TSPAN31: variants seen among roughly 807,000 people sequenced by gnomAD.
TSPAN31 encodes the protein tetraspanin-31.
In TSPAN31, 16 loss-of-function variants were observed where a neutral mutation model predicts 24.8. The observed-to-expected ratio is 0.64, with a 90% CI of 0.44 to 0.98. The LOEUF is 0.98. Among genes scored for constraint, TSPAN31 ranks in the 50% least tolerant of loss-of-function variants. The probability of loss-of-function intolerance (pLI) is 0.00; values close to 1 mark genes in which losing one functional copy is unlikely to be tolerated. For missense variants in TSPAN31, 209 were observed against 251.6 expected, an observed-to-expected ratio of 0.83 and a Z score of 1.15; for synonymous variants, 87 against 91.4, an observed-to-expected ratio of 0.95 and a Z score of 0.27.
chr12:57,748,276 G>A lies in TSPAN31; in HGVS notation c.*986G>A. The A allele has an allele frequency of 2.3e-6, 1 of 428,772 alleles. No individual in the cohort carries two copies. Among genetic ancestry groups the A allele is most frequent in the Non-Finnish European group, 4.3e-6 (1 of 233,746 alleles). 26.6% of individuals were successfully genotyped at this position (428,772 alleles called of 1,614,324 possible). On this transcript the variant is annotated 3_prime_UTR_variant, in exon 6 of 6. Transcript: ENST00000257910. ...GTTTTGTTTTTCCTGTATAAAAAAGGACCCCAAATATAAAGGTAGGGAAAG... is the reference window on the plus strand; with the variant it reads ...GTTTTGTTTTTCCTGTATAAAAAAGAACCCCAAATATAAAGGTAGGGAAAG...
chr12:57,748,708 C>CT lies in TSPAN31; in HGVS notation c.*1433dup, dbSNP rs545773931. On this transcript the variant is annotated 3_prime_UTR_variant, in exon 6 of 6. Transcript: ENST00000257910. ...CCTGGGATGAGCTTTCTTCTTTTTT[C>CT]TTTTTTTTTTTTTTTGAGACGGAGT... The CT allele has an allele frequency of 0.073, 48,326 of 660,526 alleles. 2 individuals are homozygous for CT. The highest frequency in any genetic ancestry group is 0.095 in the East Asian group (3,192 of 33,472). The allele number at this position is 660,526 out of a possible 1,614,324, so 40.9% of individuals were successfully genotyped here.
In TSPAN31 at chr12:57,748,708, C is replaced by A; in HGVS notation, c.*1418C>A. The A allele has an allele frequency of 7.2e-6, 5 of 693,624 alleles. No individual in the cohort carries two copies. The highest frequency in any genetic ancestry group is 1.2e-5 in the Non-Finnish European group (5 of 403,550). 43.0% of individuals were successfully genotyped at this position (693,624 alleles called of 1,614,324 possible). ...CCTGGGATGAGCTTTCTTCTTTTTT[C>A]TTTTTTTTTTTTTTTGAGACGGAGT... On this transcript the variant is annotated 3_prime_UTR_variant, in exon 6 of 6. Coordinates refer to ENST00000257910, the MANE Select transcript of TSPAN31 (RefSeq NM_005981.5).
rs1225353309 is a variant in TSPAN31, at chr12:57,745,273, C to T, written c.63+56C>T. 6 of 1,564,656 alleles carry T rather than the reference C, an allele frequency of 3.8e-6. No individual in the cohort carries two copies. The African/African-American group carries it at 4.1e-5, about 11-fold the overall frequency. ...GGCGGAAAGGCCCCGTGGGGAGAATCTCTAGGGTACTTCCGGTGGGGAGAG... is the reference window on the plus strand; with the variant it reads ...GGCGGAAAGGCCCCGTGGGGAGAATTTCTAGGGTACTTCCGGTGGGGAGAG... On this transcript the variant is annotated intron_variant, in intron 1 of 5. Transcript: ENST00000257910.
chr12:57,746,079 A>G, intron 2 of TSPAN31, 97 bp from the exon 3 acceptor site: 1 of 1,431,242 alleles, frequency 7.0e-7, no homozygotes. Flanking sequence ...TCAATTTGAC[A>G]TGGTGGTGTA....
At chr12:57,745,439 C>CTTA (rs761475483) in intron 1 of TSPAN31, 4 of 615,924 alleles carry the variant, frequency 6.5e-6, no homozygotes, top group Non-Finnish European at 8.5e-6. Context: ...AGGCCGTGGG[C>CTTA]GTAAGTTCCA....
At position 57,745,923 on chromosome 12, in the gene TSPAN31, C is replaced by G. The variant is rs765838992; in HGVS notation, c.231+11C>G. On this transcript the variant is annotated intron_variant, in intron 2 of 5. Transcript: ENST00000257910. ...GTCCTGCTGTTCTTTGTATCCTGAC[C>G]TGAAGTGATGGGGGCAACCGGGGGC... 2 of 1,589,596 alleles carry G rather than the reference C, an allele frequency of 1.3e-6. No individual in the cohort carries two copies. The highest frequency in any genetic ancestry group is 3.6e-5 in the Admixed American group (2 of 55,368).
At chr12:57,746,499 G>A (rs1955153554) in intron 3 of TSPAN31, 90 bp from the exon 4 acceptor site, 1 of 1,508,318 alleles carries the variant, frequency 6.6e-7, no homozygotes, top group African/African-American at 1.4e-5. Flanking sequence ...GCTTCTGTTT[G>A]ACTTCCTTTG....
chr12:57,749,058 A>C lies in TSPAN31; in HGVS notation c.*1768A>C, dbSNP rs887131058. 167 of 1,263,942 alleles carry C rather than the reference A, an allele frequency of 1.3e-4. No homozygotes were observed. Among genetic ancestry groups the C allele is most frequent in the Non-Finnish European group, 2.4e-5 (21 of 863,126 alleles). 78.3% of individuals were successfully genotyped at this position (1,263,942 alleles called of 1,614,324 possible). A position where few individuals can be genotyped will look rare whatever the true frequency, so the allele number is the denominator to read the frequency against. On this transcript the variant is annotated 3_prime_UTR_variant, in exon 6 of 6. Transcript: ENST00000257910. Reference sequence around the variant, plus strand: ...CTGTGGGTGGCTATTTGCAGCTGTAATAAAAACTACAGCCCATCTACCAAC... The same window carrying C: ...CTGTGGGTGGCTATTTGCAGCTGTACTAAAAACTACAGCCCATCTACCAAC...
In TSPAN31 at chr12:57,745,882, T is replaced by C. The variant is rs778999210; in HGVS notation, c.201T>C (p.Ala67=). Residue 67 remains alanine, a synonymous_variant, in exon 2 of 6, where the codon GCT becomes GCC. Coordinates refer to ENST00000257910, the MANE Select transcript of TSPAN31 (RefSeq NM_005981.5). The stretch of plus-strand genomic sequence containing the variant: ...TTGCAGTGGCTGGACTGGTGGGTGC[T>C]GTCAACCACCACCAAGTCCTGCTGT... The part of the protein sequence containing the change: ...LLIAVAGLVG[A]VNHHQVLLFF... 3.7e-6 allele frequency: 6 copies of C among 1,610,930 alleles called. No individual in the cohort carries two copies. Among genetic ancestry groups the C allele is most frequent in the Non-Finnish European group, 5.1e-6 (6 of 1,178,708 alleles).
rs2140382349 is a variant in TSPAN31, at chr12:57,749,126, C to G, written c.*1836C>G. 3 of 1,610,470 alleles carry G rather than the reference C, an allele frequency of 1.9e-6. No individual in the cohort carries two copies. The highest frequency in any genetic ancestry group is 1.1e-5 in the South Asian group (1 of 90,990). On this transcript the variant is annotated 3_prime_UTR_variant, in exon 6 of 6. Transcript: ENST00000257910. ...AGTGGCCAGGGCCCTGCATACTGCT[C>G]TATTTCTTTCCCCAGTCTCTATTTC...
In TSPAN31 at chr12:57,747,397, C is replaced by T. The variant is rs1262243173; in HGVS notation, c.*107C>T. 1.1e-6 allele frequency: 1 copy of T among 927,936 alleles called. No individual in the cohort carries two copies. 57.5% of individuals were successfully genotyped at this position (927,936 alleles called of 1,614,324 possible). A position where few individuals can be genotyped will look rare whatever the true frequency, so the allele number is the denominator to read the frequency against. On this transcript the variant is annotated 3_prime_UTR_variant, in exon 6 of 6. Transcript: ENST00000257910. ...GTTTTGGTTTGAGAAAAAGGAAAGGCCCCTTGTCACATCCTCTAAAATTGA... is the reference window on the plus strand; with the variant it reads ...GTTTTGGTTTGAGAAAAAGGAAAGGTCCCTTGTCACATCCTCTAAAATTGA...
chr12:57,749,392 C>G lies in TSPAN31; in HGVS notation c.*2102C>G, dbSNP rs1955204592. 6.2e-7 allele frequency: 1 copy of G among 1,613,168 alleles called. No individual in the cohort carries two copies. The highest frequency in any genetic ancestry group is 1.3e-5 in the African/African-American group (1 of 75,022). On this transcript the variant is annotated 3_prime_UTR_variant, in exon 6 of 6. Transcript: ENST00000257910. ...CCCATGGGCAGAGCCAGTTGCCATCCTGGGTTCAGCAGAAAGAGGACTCAG... is the reference window on the plus strand; with the variant it reads ...CCCATGGGCAGAGCCAGTTGCCATCGTGGGTTCAGCAGAAAGAGGACTCAG...
rs372257992 is a variant in TSPAN31 at position 57,746,205 on chromosome 12, C to G, written c.261C>G (p.Ile87Met). 6.2e-7 allele frequency: 1 copy of G among 1,614,176 alleles called. No homozygotes were observed. The highest frequency in any genetic ancestry group is 8.5e-7 in the Non-Finnish European group (1 of 1,180,002). Residue 87 changes from isoleucine (I) to methionine (M), a missense_variant, in exon 3 of 6, where the codon ATC becomes ATG. Physicochemically the swap from Ile to Met is conservative, Grantham distance 10. Coordinates refer to ENST00000257910, the MANE Select transcript of TSPAN31 (RefSeq NM_005981.5). ...TGATCATCCTTGGTTTGGTCTTCATCTTCCAATTTGTAATCTCTTGCTCAT... is the reference window on the plus strand; with the variant it reads ...TGATCATCCTTGGTTTGGTCTTCATGTTCCAATTTGTAATCTCTTGCTCAT... Reference protein sequence around the residue: ...FYMIILGLVFIFQFVISCSCL... With the variant: ...FYMIILGLVFMFQFVISCSCL...
Position 57,746,683 on chromosome 12 carries a change from C to T in TSPAN31, c.407C>T (p.Thr136Ile). 3 of 1,614,186 alleles carry T rather than the reference C, an allele frequency of 1.9e-6. No individual in the cohort carries two copies. Among genetic ancestry groups the T allele is most frequent in the Non-Finnish European group, 1.7e-6 (2 of 1,180,038 alleles). ...SFDCCGLFNL[T>I]TLYQQDYDFC... The stretch of plus-strand genomic sequence containing the variant: ...GATTGTTGTGGCTTATTCAACCTCA[C>T]AACCCTGTATCAACAAGATTATGAT... Residue 136 changes from threonine to isoleucine, a missense_variant, in exon 4 of 6, where the codon ACA becomes ATA. Thr to Ile is a moderately conservative substitution (Grantham distance 89). Coordinates refer to ENST00000257910, the MANE Select transcript of TSPAN31 (RefSeq NM_005981.5).
Position 57,748,338 on chromosome 12 carries a change from G to A in TSPAN31, c.*1048G>A. 4.5e-6 allele frequency: 3 copies of A among 665,002 alleles called. No homozygotes were observed. Among genetic ancestry groups the A allele is most frequent in the Non-Finnish European group, 8.3e-6 (3 of 362,200 alleles). The allele number at this position is 665,002 out of a possible 1,614,324, so 41.2% of individuals were successfully genotyped here. On this transcript the variant is annotated 3_prime_UTR_variant, in exon 6 of 6. Coordinates refer to ENST00000257910, the MANE Select transcript of TSPAN31 (RefSeq NM_005981.5). Reference sequence around the variant, plus strand: ...AACATACCCCTTAGTGTAGAGAAATGGGAAGGAGAAGGAGAAGCCTCAAAA... The same window carrying A: ...AACATACCCCTTAGTGTAGAGAAATAGGAAGGAGAAGGAGAAGCCTCAAAA...
chr12:57,747,209 C>T lies in TSPAN31; in HGVS notation c.559-7C>T. ...TGATACTTATCTCTCTCCCTTTGTT[C>T]CTACAGATCCTTGGTGTTTGGCTAG... On this transcript the variant is annotated splice_region_variant and splice_polypyrimidine_tract_variant and intron_variant, in intron 5 of 5. Transcript: ENST00000257910. 1 of 1,614,112 alleles carries T rather than the reference C, an allele frequency of 6.2e-7. No homozygotes were observed. The highest frequency in any genetic ancestry group is 2.2e-5 in the East Asian group (1 of 44,880).
rs1419064455 is a variant in TSPAN31 at position 57,749,737 on chromosome 12, G to A, written c.*2447G>A. 22 of 572,028 alleles carry A rather than the reference G, an allele frequency of 3.8e-5. No individual in the cohort carries two copies. Among genetic ancestry groups the A allele is most frequent in the South Asian group, 3.0e-4 (15 of 49,528 alleles). The allele number at this position is 572,028 out of a possible 1,614,324, so 35.4% of individuals were successfully genotyped here. ...AGAAATGCCAGGTGCAGCGGCTCAC[G>A]CCTGTAATCCTAGCACTTTGGGAGT... On this transcript the variant is annotated 3_prime_UTR_variant, in exon 6 of 6. Transcript: ENST00000257910.
At chr12:57,745,395 A>C in intron 1 of TSPAN31, 178 bp downstream of exon 1, 2 of 610,508 alleles carry the variant, frequency 3.3e-6, no homozygotes, top group Non-Finnish European at 5.5e-6. Flanking sequence ...CGGTTGATTA[A>C]GGGGGTTTGT....
Position 57,747,499 on chromosome 12 carries a change from CCT to C in TSPAN31, c.*217_*218del. 1 of 532,516 alleles carries C rather than the reference CCT, an allele frequency of 1.9e-6. No homozygotes were observed. Among genetic ancestry groups the C allele is most frequent in the Middle Eastern group, 5.0e-4 (1 of 1,982 alleles). The allele number at this position is 532,516 out of a possible 1,614,324, so 33.0% of individuals were successfully genotyped here. On this transcript the variant is annotated 3_prime_UTR_variant, in exon 6 of 6. Transcript: ENST00000257910. The stretch of plus-strand genomic sequence containing the variant: ...AAGGAATAAAAGGAAAAACTTTCTT[CCT>C]CTCTCTCCAAGAGGATATGGGAAGC...
Sources: gnomAD v4.1 joint callset for allele counts on GRCh38, gnomAD v4.1.1 for gene constraint, MANE v1.5 for transcripts, NCBI Gene and HGNC (gene_info 2026-07-23, HGNC 2026-07-21) for gene names.